The following SLBP variants were observed in gnomAD, a reference collection of about 807,000 sequenced individuals.
SLBP encodes stem-loop histone mRNA binding protein, also known as histone RNA hairpin-binding protein.
Under a neutral mutation model 39.2 loss-of-function variants are expected in SLBP, and 29 were observed. The ratio of observed to expected loss-of-function variants is 0.74; its 90% CI spans 0.55 to 1.01. The LOEUF is 1.01. Among genes scored for constraint, SLBP ranks in the 50% least tolerant of loss-of-function variants. SLBP has a pLI of 0.00. For synonymous variants in SLBP, 129 were observed against 118.7 expected (o/e 1.09, Z -0.57); for missense variants, 390 against 350.2 (o/e 1.11, Z -0.91).
At chr4:1,699,490 A>ACCC in intron 5 of SLBP, 74 bp downstream of exon 5, 2 of 1,459,768 alleles carry the variant, frequency 1.4e-6, no homozygotes, top group Admixed American at 3.4e-5. Context: ...CATTTGTACT[A>ACCC]CCCAATCTAA....
chr4:1,702,710 C>A (rs1026851509), intron 3 of SLBP, among the ~76,000 whole-genome samples: 2 of 152,128 alleles, frequency 1.3e-5, no homozygotes. Context: ...AATGAGTCAA[C>A]GAAGACGAAG....
intron 2 of SLBP, among the ~76,000 whole-genome samples, chr4:1,707,760 C>T (rs1716578236): frequency 6.6e-6 from 1 of 152,030 alleles, no homozygotes; most frequent in Non-Finnish European, 1.5e-5. Flanking sequence ...GCCTGGCCAA[C>T]ATGATGAAAC....
chr4:1,697,404 G>C (rs1716150469), intron 5 of SLBP, among the ~76,000 whole-genome samples: 1 of 152,038 alleles, frequency 6.6e-6, no homozygotes, highest in African/African-American at 2.4e-5. Context: ...ATGAGGCGGA[G>C]GTTGCAGTGA....
rs1716198746 is a variant in SLBP at position 1,698,360 on chromosome 4, GAT to G, written c.479+1202_479+1203del. 2.1e-5 allele frequency among the ~76,000 whole-genome samples: 3 copies of G among 144,956 alleles called. No homozygotes were observed. The South Asian group carries it at 6.5e-4, about 32-fold the overall frequency. ...AAAAAATGAATACACAGTGAGACAT[GAT>G]ATAACACTGCACTTCAGCCTAGGTA... On this transcript the variant is annotated intron_variant, in intron 5 of 7. Transcript: ENST00000489418.
Position 1,711,995 on chromosome 4 carries a change from G to A in SLBP, c.60-5C>T, listed in dbSNP as rs369098159. The A allele has an allele frequency of 7.4e-4, 958 of 1,288,390 alleles. 12 individuals are homozygous for A. The African/African-American group carries it at 0.014, about 18-fold the overall frequency. The allele number at this position is 1,288,390 out of a possible 1,614,324, so 79.8% of individuals were successfully genotyped here. ...CATCGCGCGGGGGACGGCGGGCTGC[G>A]GGGAGGGACGCGGTCGGCTGGGCAC... is the stretch of plus-strand genomic sequence containing the variant. On this transcript the variant is annotated splice_region_variant and splice_polypyrimidine_tract_variant and intron_variant, in intron 1 of 7. Coordinates refer to ENST00000489418, the MANE Select transcript of SLBP (RefSeq NM_006527.4).
chr4:1,700,836 G>C (rs1370404077), intron 3 of SLBP, among the ~76,000 whole-genome samples: 1 of 152,086 alleles, frequency 6.6e-6, no homozygotes, highest in Admixed American at 6.5e-5. Context: ...AAAGTACTGA[G>C]ATCAGGAGTG....
chr4:1,696,826 G>C (rs1403566960), intron 5 of SLBP, among the ~76,000 whole-genome samples: 1 of 151,644 alleles, frequency 6.6e-6, no homozygotes, highest in Non-Finnish European at 1.5e-5. Flanking sequence ...GAACCCGGGA[G>C]GCAGAGCTTG....
At chr4:1,696,172 T>C (rs752424507) in intron 6 of SLBP, 30 bp downstream of exon 6, 2 of 1,549,228 alleles carry the variant, frequency 1.3e-6, no homozygotes. Context: ...AATCAGAGAA[T>C]CACAGGACAA....
At position 1,693,654 on chromosome 4, in the gene SLBP, C is replaced by T; in HGVS notation, c.756G>A (p.Glu252=). ...VRHMDSQVED[E]FDLEACLTEP... The stretch of plus-strand genomic sequence containing the variant: ...CAGTTAAACAAGCTTCCAAATCAAA[C>T]TCATCCTCCACTTGACTGTCCATGT... Residue 252 remains glutamate (E), a synonymous_variant, in exon 8 of 8, where the codon GAG becomes GAA. Transcript: ENST00000489418. The T allele has an allele frequency of 2.5e-6, 4 of 1,614,132 alleles. No homozygotes were observed. Among genetic ancestry groups the T allele is most frequent in the Non-Finnish European group, 3.4e-6 (4 of 1,179,964 alleles).
At chr4:1,699,297 A>C (rs1270245465) in intron 5 of SLBP, among the ~76,000 whole-genome samples, 1 of 152,194 alleles carries the variant, frequency 6.6e-6, no homozygotes, top group African/African-American at 2.4e-5. Flanking sequence ...TAATAAGCTT[A>C]CATCTATGAT....
chr4:1,693,686 C>A lies in SLBP; in HGVS notation c.724G>T (p.Val242Leu), dbSNP rs1017987240. ...FDVYSGTPTKVRHMDSQVEDE... is the reference protein window; with the variant it reads ...FDVYSGTPTKLRHMDSQVEDE... ...TCCACTTGACTGTCCATGTGTCTCA[C>A]CTTGGTGGGTGTGCCAGAGTACACA... Residue 242 changes from valine (V) to leucine (L), a missense_variant, in exon 8 of 8, where the codon GTG becomes TTG. Transcript: ENST00000489418. The A allele has an allele frequency of 1.9e-6, 3 of 1,613,252 alleles. No individual in the cohort carries two copies. Among genetic ancestry groups the A allele is most frequent in the Non-Finnish European group, 2.5e-6 (3 of 1,179,314 alleles).
chr4:1,699,984 G>A, intron 4 of SLBP, 27 bp downstream of exon 4: 1 of 1,502,688 alleles, frequency 6.7e-7, no homozygotes, highest in African/African-American at 1.4e-5. Context: ...TATCAAATTA[G>A]AAAAGAAACA....
At chr4:1,706,807 G>A (rs1345829243) in intron 2 of SLBP, among the ~76,000 whole-genome samples, 3 of 151,874 alleles carry the variant, frequency 2.0e-5, no homozygotes, top group Admixed American at 1.3e-4. Flanking sequence ...CAGCCTGGGG[G>A]AGAGAGACCC....
chr4:1,712,221 G>T lies in SLBP; in HGVS notation c.-33C>A. On this transcript the variant is annotated 5_prime_UTR_variant, in exon 1 of 8. Transcript: ENST00000489418. ...CGGGCCGGGCGCGCAGCGCAGGGCC[G>T]AGGCTGAGGCGGCGGCGGCGCGGGC... The T allele has an allele frequency of 1.6e-6, 2 of 1,231,824 alleles. No homozygotes were observed. Among genetic ancestry groups the T allele is most frequent in the Non-Finnish European group, 2.1e-6 (2 of 972,426 alleles). 76.3% of individuals were successfully genotyped at this position (1,231,824 alleles called of 1,614,324 possible). A position where few individuals can be genotyped will look rare whatever the true frequency, so the allele number is the denominator to read the frequency against.
At chr4:1,710,696 G>A (rs1237455601) in intron 2 of SLBP, among the ~76,000 whole-genome samples, 1 of 151,958 alleles carries the variant, frequency 6.6e-6, no homozygotes, top group African/African-American at 2.4e-5. Context: ...AGTGAACAGA[G>A]TTCACCCGTG....
At chr4:1,710,246 C>T (rs1716698034) in intron 2 of SLBP, among the ~76,000 whole-genome samples, 1 of 152,204 alleles carries the variant, frequency 6.6e-6, no homozygotes, top group Non-Finnish European at 1.5e-5. Context: ...AGATGCCTCC[C>T]ATGTAGACTC....
intron 3 of SLBP, among the ~76,000 whole-genome samples, chr4:1,702,564 T>C (rs1716365879): frequency 6.6e-6 from 1 of 152,148 alleles, no homozygotes; most frequent in Non-Finnish European, 1.5e-5. Flanking sequence ...TTCAACCAAT[T>C]ATGAGCCACA....
At chr4:1,695,466 A>C (rs1039802369) in intron 6 of SLBP, among the ~76,000 whole-genome samples, 3 of 152,186 alleles carry the variant, frequency 2.0e-5, no homozygotes, top group African/African-American at 7.2e-5. Flanking sequence ...ATGATGCAGC[A>C]AAAGTTCAGG....
In SLBP at chr4:1,711,945, G is replaced by C. The variant is rs897900873; in HGVS notation, c.105C>G (p.Ala35=). 3.0e-6 allele frequency: 4 copies of C among 1,340,008 alleles called. No individual in the cohort carries two copies. Among genetic ancestry groups the C allele is most frequent in the East Asian group, 3.1e-5 (1 of 32,386 alleles). 83.0% of individuals were successfully genotyped at this position (1,340,008 alleles called of 1,614,324 possible). The part of the protein sequence containing the change: ...ARWSLGRKRR[A]DGRRWRPEDA... ...CTTCGGGCCTCCAGCGCCTGCCGTC[G>C]GCTCTGCGCTTCCGTCCCAGGCTCC... is the stretch of plus-strand genomic sequence containing the variant. Residue 35 remains alanine, a synonymous_variant, in exon 2 of 8, where the codon GCC becomes GCG. Coordinates refer to ENST00000489418, the MANE Select transcript of SLBP (RefSeq NM_006527.4).
Sources: allele counts gnomAD v4.1 joint callset (sites outside exome capture counted in the v4.1 genomes callset), GRCh38; gene constraint gnomAD v4.1.1; transcripts MANE v1.5; gene names NCBI Gene and HGNC (gene_info 2026-07-23, HGNC 2026-07-21).